The following FOXP1 variants were observed in gnomAD, a reference collection of about 807,000 sequenced individuals.
FOXP1 encodes forkhead box protein P1.
In FOXP1, 15 loss-of-function variants were observed where a neutral mutation model predicts 98.2. That is an observed-to-expected ratio of 0.15 (90% CI 0.10 to 0.24). The LOEUF is 0.24. FOXP1 is among the 10% of genes least tolerant of loss of function. The pLI is 1.00. For missense variants in FOXP1, 633 were observed against 848.5 expected (o/e 0.75, Z 3.15); for synonymous variants, 371 against 314.5 (o/e 1.18, Z -1.90).
intron 5 of FOXP1, among the ~76,000 whole-genome samples, chr3:71,283,216 C>T (rs2071749103): frequency 1.3e-5 from 2 of 152,178 alleles, no homozygotes; most frequent in Admixed American, 1.3e-4. Flanking sequence ...GAATGAGCTG[C>T]TTGGGTTTAC....
At chr3:71,019,841 C>CAAA (rs1401725420) in intron 11 of FOXP1, among the ~76,000 whole-genome samples, 1 of 125,922 alleles carries the variant, frequency 7.9e-6, no homozygotes, top group African/African-American at 3.5e-5. Flanking sequence ...GGTCCCCCCC[C>CAAA]CAAAAAAAAC....
At chr3:71,094,780 T>C (rs2056295437) in intron 7 of FOXP1, among the ~76,000 whole-genome samples, 1 of 152,182 alleles carries the variant, frequency 6.6e-6, no homozygotes, top group Admixed American at 6.5e-5. Context: ...GGACGGGGAA[T>C]GGTGGAGATG....
At chr3:71,063,529 A>C (rs1486695090) in intron 7 of FOXP1, among the ~76,000 whole-genome samples, 1 of 152,284 alleles carries the variant, frequency 6.6e-6, no homozygotes, top group Non-Finnish European at 1.5e-5. Context: ...CAAAAACAGC[A>C]AAACAGGGCC....
chr3:71,446,896 T>TC (rs1177369226), intron 3 of FOXP1, among the ~76,000 whole-genome samples: 2 of 152,264 alleles, frequency 1.3e-5, no homozygotes, highest in Non-Finnish European at 2.9e-5. Context: ...GGACACGCTT[T>TC]CCATCAGGGT....
chr3:70,970,291 G>A, intron 19 of FOXP1: 1 of 194,268 alleles, frequency 5.1e-6, no homozygotes, highest in Non-Finnish European at 1.1e-5. Flanking sequence ...CCAGACAAAA[G>A]CCAAGATGCT....
intron 2 of FOXP1, among the ~76,000 whole-genome samples, chr3:71,551,773 T>C (rs2045797950): frequency 6.6e-6 from 1 of 152,194 alleles, no homozygotes; most frequent in East Asian, 1.9e-4. Flanking sequence ...TATAAAACAT[T>C]TGAATCTTTT....
At chr3:71,274,714 G>A (rs1030421314) in intron 5 of FOXP1, among the ~76,000 whole-genome samples, 3 of 152,194 alleles carry the variant, frequency 2.0e-5, no homozygotes, top group African/African-American at 7.2e-5. Context: ...TCGAAAGTCA[G>A]GAGTCAGAAG....
intron 6 of FOXP1, among the ~76,000 whole-genome samples, chr3:71,169,553 A>C (rs1007468688): frequency 1.3e-5 from 2 of 152,248 alleles, no homozygotes; most frequent in East Asian, 1.9e-4. Flanking sequence ...AAAAGGTGTA[A>C]GACTTTATCT....
intron 3 of FOXP1, among the ~76,000 whole-genome samples, chr3:71,405,982 G>A (rs1054393669): frequency 4.0e-5 from 6 of 151,786 alleles, no homozygotes; most frequent in Non-Finnish European, 7.4e-5. Flanking sequence ...CACCTGCCTC[G>A]GCCTCCCAAA....
At chr3:71,020,910 C>CA (rs796131727) in intron 11 of FOXP1, among the ~76,000 whole-genome samples, 7 of 152,070 alleles carry the variant, frequency 4.6e-5, no homozygotes, top group African/African-American at 1.7e-4. Context: ...CCACAAACAC[C>CA]AAAAAAACGA....
At chr3:71,309,971 C>A (rs781760866) in intron 4 of FOXP1, among the ~76,000 whole-genome samples, 1 of 152,146 alleles carries the variant, frequency 6.6e-6, no homozygotes, top group Non-Finnish European at 1.5e-5. Flanking sequence ...TTGGGGGGCA[C>A]TAAATGGTGG....
intron 3 of FOXP1, among the ~76,000 whole-genome samples, chr3:71,398,275 G>A (rs1577306802): frequency 6.6e-6 from 1 of 152,240 alleles, no homozygotes; most frequent in South Asian, 2.1e-4. Flanking sequence ...GTAATATCTT[G>A]TCTCCACTTG....
intron 5 of FOXP1, among the ~76,000 whole-genome samples, chr3:71,259,418 G>C (rs1363117068): frequency 6.6e-6 from 1 of 152,208 alleles, no homozygotes; most frequent in Non-Finnish European, 1.5e-5. Flanking sequence ...TGCTGAACTG[G>C]CACATACAAA....
chr3:71,487,498 A>T (rs1167771354), intron 3 of FOXP1, among the ~76,000 whole-genome samples: 1 of 152,228 alleles, frequency 6.6e-6, no homozygotes, highest in African/African-American at 2.4e-5. Context: ...TGCATTGTAA[A>T]TGTAAATGGT....
intron 4 of FOXP1, among the ~76,000 whole-genome samples, chr3:71,340,556 A>G (rs1042513012): frequency 2.0e-5 from 3 of 152,374 alleles, no homozygotes; most frequent in Non-Finnish European, 4.4e-5. Flanking sequence ...AATAAAAAGC[A>G]TATTTTTTCC....
intron 2 of FOXP1, among the ~76,000 whole-genome samples, chr3:71,576,107 T>C (rs1255605070): frequency 6.6e-6 from 1 of 152,248 alleles, no homozygotes; most frequent in African/African-American, 2.4e-5. Context: ...AGATCCATTT[T>C]TCCCTCAGTA....
Position 71,110,754 on chromosome 3 carries a change from A to T in FOXP1, c.282+1782T>A, listed in dbSNP as rs193133416. Among the ~76,000 whole-genome samples, 574 of 152,340 alleles carry T rather than the reference A, an allele frequency of 3.8e-3. 1 individual carries two copies. The highest frequency in any genetic ancestry group is 5.2e-3 in the Non-Finnish European group (351 of 68,028). On this transcript the variant is annotated intron_variant, in intron 7 of 20. Transcript: ENST00000649528. ...CCTTTCAACTTATTTGAATCCTGAC[A>T]AATAAGCTCACAGCTGAAAGGTCAA...
rs185861924 is a variant in FOXP1, at chr3:71,156,459, G to C, written c.180+41743C>G. 2.0e-5 allele frequency among the ~76,000 whole-genome samples: 3 copies of C among 152,142 alleles called. No homozygotes were observed. In the East Asian group the frequency reaches 5.8e-4, roughly 30 times the overall value. On this transcript the variant is annotated intron_variant, in intron 6 of 20. Transcript: ENST00000649528. ...AATGGAGGGGTGCACCAAACAGGAG[G>C]AGAGGGGAAAGCCTTTCCAAAAATG...
intron 6 of FOXP1, among the ~76,000 whole-genome samples, chr3:71,194,106 G>T (rs1347263711): frequency 6.6e-6 from 1 of 152,090 alleles, no homozygotes; most frequent in Non-Finnish European, 1.5e-5. Context: ...AATAATACAT[G>T]TTCAAATTCT....
Sources: gnomAD v4.1 joint callset for allele counts (sites outside exome capture counted in the v4.1 genomes callset) on GRCh38, gnomAD v4.1.1 for gene constraint, MANE v1.5 for transcripts, NCBI Gene and HGNC (gene_info 2026-07-23, HGNC 2026-07-21) for gene names.